The following TEX9 variants were observed in gnomAD, a reference collection of about 807,000 sequenced individuals.
TEX9 encodes testis expressed 9.
TEX9 carries 74 observed loss-of-function variants against 59.6 expected under a neutral mutation model. That is an observed-to-expected ratio of 1.24 (90% confidence interval 1.03 to 1.51). The LOEUF is 1.51. Among genes scored for constraint, TEX9 ranks in the 40% most tolerant of loss-of-function variants. The pLI is 0.00. For missense variants in TEX9, 522 were observed against 447.8 expected (o/e 1.17, Z -1.49); for synonymous variants, 186 against 152.2 (o/e 1.22, Z -1.64).
intron 9 of TEX9, among the ~76,000 whole-genome samples, chr15:56,403,303 C>A (rs1483662503): frequency 6.6e-6 from 1 of 152,242 alleles, no homozygotes; most frequent in Admixed American, 6.5e-5. Context: ...GATACAAAAT[C>A]AATGTGCAAA....
chr15:56,298,747 C>T (rs1266246283), intron 1 of TEX9, among the ~76,000 whole-genome samples: 1 of 152,114 alleles, frequency 6.6e-6, no homozygotes, highest in African/African-American at 2.4e-5. Context: ...TTTTCAAAGG[C>T]CATTGTTGTC....
chr15:56,285,578 T>C (rs1261874981), intron 1 of TEX9, among the ~76,000 whole-genome samples: 2 of 152,178 alleles, frequency 1.3e-5, no homozygotes, highest in Non-Finnish European at 2.9e-5. Flanking sequence ...GGCTTTGATA[T>C]TGTAGCTTTT....
intron 12 of TEX9, chr15:56,428,509 G>A: frequency 1.8e-6 from 2 of 1,118,710 alleles, no homozygotes; most frequent in Middle Eastern, 2.1e-4. Context: ...TATTGTAGTG[G>A]TTTGAATTAT....
At chr15:56,257,013 C>G (rs762729104) in intron 1 of TEX9, among the ~76,000 whole-genome samples, 1 of 152,006 alleles carries the variant, frequency 6.6e-6, no homozygotes, top group East Asian at 1.9e-4. Flanking sequence ...CATTTAGCTC[C>G]CACTTATAAG....
At chr15:56,264,158 C>T (rs2044328142) in intron 1 of TEX9, among the ~76,000 whole-genome samples, 1 of 152,180 alleles carries the variant, frequency 6.6e-6, no homozygotes, top group Admixed American at 6.5e-5. Flanking sequence ...ACTGAAAACT[C>T]ATTTCCAAAA....
At chr15:56,394,728 G>A (rs756980645) in exon 9 of TEX9, 44 of 1,610,942 alleles carry the variant, frequency 2.7e-5, no homozygotes, top group African/African-American at 5.4e-5. Context: ...AGACAGCAGC[G>A]AACAATTAAT....
At chr15:56,416,252 T>C (rs969090780) in intron 10 of TEX9, among the ~76,000 whole-genome samples, 1 of 151,930 alleles carries the variant, frequency 6.6e-6, no homozygotes, top group Middle Eastern at 3.4e-3. Context: ...TCCAATACTA[T>C]GTTGAATAGT....
chr15:56,414,056 T>A (rs1290693705), intron 10 of TEX9, among the ~76,000 whole-genome samples: 1 of 151,832 alleles, frequency 6.6e-6, no homozygotes, highest in East Asian at 1.9e-4. Flanking sequence ...TATTCGAGTA[T>A]TATTTCCAAT....
At chr15:56,395,607 T>C (rs2048430827) in intron 9 of TEX9, 1 of 152,150 alleles carries the variant, frequency 6.6e-6, no homozygotes, top group Admixed American at 6.6e-5. Flanking sequence ...ATGAAGCTCC[T>C]AATTTCTACA....
intron 9 of TEX9, among the ~76,000 whole-genome samples, chr15:56,401,758 G>A (rs1468519748): frequency 2.0e-5 from 3 of 152,132 alleles, no homozygotes; most frequent in Non-Finnish European, 2.9e-5. Flanking sequence ...AAATGTAAAA[G>A]AACAGAAATC....
chr15:56,442,946 T>TGC (rs2050844449), intron 12 of TEX9, among the ~76,000 whole-genome samples: 1 of 152,170 alleles, frequency 6.6e-6, no homozygotes, highest in Non-Finnish European at 1.5e-5. Context: ...ATTGTGGATT[T>TGC]GCCTCTTTCT....
chr15:56,357,566 TTA>T (rs1172121385), intron 1 of TEX9, among the ~76,000 whole-genome samples: 1 of 152,188 alleles, frequency 6.6e-6, no homozygotes, highest in Admixed American at 6.5e-5. Context: ...TCCGATTTTT[TTA>T]TATGTCAGAT....
At chr15:56,377,905 G>C (rs2047532588) in intron 3 of TEX9, among the ~76,000 whole-genome samples, 1 of 152,068 alleles carries the variant, frequency 6.6e-6, no homozygotes, top group Admixed American at 6.6e-5. Flanking sequence ...TTATACTCAT[G>C]TTTTGAAGTG....
chr15:56,380,038 A>G (rs2047655036), intron 3 of TEX9, among the ~76,000 whole-genome samples: 1 of 152,134 alleles, frequency 6.6e-6, no homozygotes, highest in Non-Finnish European at 1.5e-5. Flanking sequence ...CAGTGTTAAT[A>G]CTGATAAGGG....
intron 1 of TEX9, among the ~76,000 whole-genome samples, chr15:56,356,701 T>A (rs1339727996): frequency 6.6e-6 from 1 of 152,194 alleles, no homozygotes; most frequent in Non-Finnish European, 1.5e-5. Flanking sequence ...TGAGGTTGAA[T>A]ATTTTTAACT....
chr15:56,373,501 AAT>A lies in TEX9; in HGVS notation c.182_183del (p.Ile61LysfsTer9), dbSNP rs1174393711. On this transcript the variant is annotated frameshift_variant and splice_region_variant, in exon 3 of 13. Coordinates refer to ENST00000352903, the Ensembl canonical transcript of TEX9. LOFTEE classifies it high-confidence loss of function. ...ACGTGGTTCAACAAGCTAAGGAAATAATAGTAAGTATATGTACAATTATTAAT... is the reference window on the plus strand; with the variant it reads ...ACGTGGTTCAACAAGCTAAGGAAATAAGTAAGTATATGTACAATTATTAAT... The A allele has an allele frequency of 6.4e-7, 1 of 1,565,046 alleles. No homozygotes were observed. Among genetic ancestry groups the A allele is most frequent in the Non-Finnish European group, 8.6e-7 (1 of 1,165,058 alleles).
intron 10 of TEX9, among the ~76,000 whole-genome samples, chr15:56,417,650 A>G (rs2049763323): frequency 6.6e-6 from 1 of 151,894 alleles, no homozygotes; most frequent in Admixed American, 6.6e-5. Flanking sequence ...GGCACTAAGA[A>G]GAATGTATAT....
chr15:56,249,118 AAAAAC>A (rs1318095231), intron 1 of TEX9: 3 of 152,256 alleles, frequency 2.0e-5, no homozygotes, highest in African/African-American at 7.2e-5. Context: ...TAAAAACACA[AAAAAC>A]AAACAAAAGG....
At chr15:56,307,421 C>A (rs2045509867) in intron 1 of TEX9, among the ~76,000 whole-genome samples, 1 of 152,174 alleles carries the variant, frequency 6.6e-6, no homozygotes, top group South Asian at 2.1e-4. Flanking sequence ...GGTGCTACCA[C>A]CTGGCCACTG....
Sources: gnomAD v4.1 joint callset for allele counts (sites outside exome capture counted in the v4.1 genomes callset) on GRCh38, gnomAD v4.1.1 for gene constraint, MANE v1.5 for transcripts, NCBI Gene and HGNC (gene_info 2026-07-23, HGNC 2026-07-21) for gene names.